Variants in GRHL2 observed in about 807,000 individuals in gnomAD.
GRHL2 encodes grainyhead like transcription factor 2, also known as grainyhead-like protein 2 homolog.
GRHL2 carries 21 observed loss-of-function variants against 83.8 expected under a neutral mutation model. The ratio of observed to expected loss-of-function variants is 0.25; its 90% CI spans 0.18 to 0.36. The LOEUF is 0.36. Among genes scored for constraint, GRHL2 ranks in the 10% least tolerant of loss-of-function variants. The pLI is 1.00. For missense variants in GRHL2, 623 were observed against 781.8 expected (o/e 0.80, Z 2.42); for synonymous variants, 280 against 278.9 (o/e 1.00, Z -0.04).
intron 7 of GRHL2, among the ~76,000 whole-genome samples, chr8:101,597,491 T>C (rs1812414854): frequency 6.6e-6 from 1 of 152,152 alleles, no homozygotes; most frequent in Non-Finnish European, 1.5e-5. Context: ...CATGGAATAC[T>C]ATGCAGCCAT....
intron 1 of GRHL2, among the ~76,000 whole-genome samples, chr8:101,504,276 T>G (rs475304): frequency 0.95 from 144,947 of 152,258 alleles, 69,140 homozygotes; most frequent in Non-Finnish European, 0.99. Context: ...TATCTGTGTC[T>G]CCACAACCTT....
In GRHL2 at chr8:101,619,663, G is replaced by C. The variant is rs779047042; in HGVS notation, c.1223G>C (p.Arg408Thr). 3 of 1,613,304 alleles carry C rather than the reference G, an allele frequency of 1.9e-6. No homozygotes were observed. Among genetic ancestry groups the C allele is most frequent in the African/African-American group, 1.3e-5 (1 of 74,898 alleles). The change falls in exon 9 of 16, where the codon AGA (arginine) becomes ACA (threonine). Residue 408 changes from arginine (R) to threonine (T), a missense_variant. Around this residue, in one of 8 missense-constraint regions of GRHL2, gnomAD observed 24 missense variants for 25.5 expected, o/e 0.94. Coordinates refer to ENST00000646743, the MANE Select transcript of GRHL2 (RefSeq NM_024915.4). Reference protein sequence around the residue: ...YNNRSNKPIHRAYCQIKVFCD... With the variant: ...YNNRSNKPIHTAYCQIKVFCD... Reference sequence around the variant, plus strand: ...AATCGTAGCAATAAACCCATTCATAGAGCTTATTGCCAGATCAAGGTCTTC... The same window carrying C: ...AATCGTAGCAATAAACCCATTCATACAGCTTATTGCCAGATCAAGGTCTTC...
chr8:101,492,470 C>A lies in GRHL2; in HGVS notation c.-300C>A. The stretch of plus-strand genomic sequence containing the variant: ...GTTACCTGTGGCCGCCCAAGTCCGC[C>A]ACTTTCTGCTCTGTGTCTGCCCATT... On this transcript the variant is annotated 5_prime_UTR_variant, in exon 1 of 16. Transcript: ENST00000646743. 2 of 537,720 alleles carry A rather than the reference C, an allele frequency of 3.7e-6. No homozygotes were observed. The highest frequency in any genetic ancestry group is 4.3e-5 in the South Asian group (2 of 46,694). 33.3% of individuals were successfully genotyped at this position (537,720 alleles called of 1,614,324 possible). A position where few individuals can be genotyped will look rare whatever the true frequency, so the allele number is the denominator to read the frequency against.
chr8:101,547,515 C>A (rs1367704550), intron 2 of GRHL2, among the ~76,000 whole-genome samples: 5 of 152,140 alleles, frequency 3.3e-5, no homozygotes, highest in African/African-American at 7.2e-5. Context: ...CAAAGGCATA[C>A]CTTTGCATAA....
chr8:101,496,190 C>G (rs1232990726), intron 1 of GRHL2, among the ~76,000 whole-genome samples: 4 of 151,592 alleles, frequency 2.6e-5, no homozygotes, highest in African/African-American at 9.7e-5. Context: ...AACTGCCTCT[C>G]CCTACTCATC....
chr8:101,511,749 C>T (rs1449566475), intron 1 of GRHL2, among the ~76,000 whole-genome samples: 1 of 151,862 alleles, frequency 6.6e-6, no homozygotes, highest in Non-Finnish European at 1.5e-5. Context: ...GACAACTTTT[C>T]CCCCAAGCAA....
At chr8:101,670,113 G>A (rs1814178613), downstream of GRHL2, among the ~76,000 whole-genome samples, 1 of 152,144 alleles carries the variant, frequency 6.6e-6, no homozygotes, top group African/African-American at 2.4e-5. Context: ...CTGCATGGAG[G>A]CTGAAACCAT....
At chr8:101,564,014 T>A (rs1228832520) in intron 4 of GRHL2, among the ~76,000 whole-genome samples, 2 of 152,196 alleles carry the variant, frequency 1.3e-5, no homozygotes, top group African/African-American at 2.4e-5. Flanking sequence ...CAGTTATGTT[T>A]GTTGTTTGTA....
At chr8:101,617,888 A>G (rs1022253205) in intron 8 of GRHL2, among the ~76,000 whole-genome samples, 1 of 152,182 alleles carries the variant, frequency 6.6e-6, no homozygotes, top group African/African-American at 2.4e-5. Flanking sequence ...GGTGTGAGGG[A>G]CTTCAGGTCC....
chr8:101,636,823 A>G (rs1205734433), intron 11 of GRHL2, 74 bp from the exon 12 acceptor site: 2 of 1,322,674 alleles, frequency 1.5e-6, no homozygotes, highest in East Asian at 4.6e-5. Flanking sequence ...GCCTTAGGAA[A>G]GTCTGTACAT....
chr8:101,509,273 C>T lies in GRHL2; in HGVS notation c.20+16484C>T, dbSNP rs186517648. Among the ~76,000 whole-genome samples, 75 of 138,752 alleles carry T rather than the reference C, an allele frequency of 5.4e-4. 1 individual carries two copies. The highest frequency in any genetic ancestry group is 1.7e-3 in the Admixed American group (23 of 13,266). 91.0% of individuals were successfully genotyped at this position (138,752 alleles called of 152,430 possible). A position where few individuals can be genotyped will look rare whatever the true frequency, so the allele number is the denominator to read the frequency against. On this transcript the variant is annotated intron_variant, in intron 1 of 15. Coordinates refer to ENST00000646743, the MANE Select transcript of GRHL2 (RefSeq NM_024915.4). ...TTGGCCTATTAGTGGTTAAGAAACA[C>T]TTTGGTTGTTTATCTAAATAGTAGG...
chr8:101,671,858 G>A (rs997685788), downstream of GRHL2, among the ~76,000 whole-genome samples: 4 of 152,134 alleles, frequency 2.6e-5, no homozygotes, highest in African/African-American at 4.8e-5. Flanking sequence ...GAACGATCAC[G>A]CAGCAGCACT....
intron 3 of GRHL2, among the ~76,000 whole-genome samples, chr8:101,557,462 G>A (rs998304462): frequency 6.6e-6 from 1 of 152,062 alleles, no homozygotes; most frequent in African/African-American, 2.4e-5. Flanking sequence ...GACCACAGGT[G>A]ATTCGCCTGC....
At chr8:101,671,607 G>T (rs1005176793), downstream of GRHL2, among the ~76,000 whole-genome samples, 1 of 152,180 alleles carries the variant, frequency 6.6e-6, no homozygotes, top group Non-Finnish European at 1.5e-5. Flanking sequence ...TCCACCTCTG[G>T]GGGCAGGGCA....
chr8:101,605,365 G>T (rs950657419), intron 8 of GRHL2, among the ~76,000 whole-genome samples: 1 of 152,206 alleles, frequency 6.6e-6, no homozygotes, highest in Admixed American at 6.5e-5. Context: ...GGCCCTATGA[G>T]TCCAGAGCCC....
intron 11 of GRHL2, among the ~76,000 whole-genome samples, chr8:101,636,447 G>T (rs142217629): frequency 5.9e-5 from 9 of 151,930 alleles, no homozygotes; most frequent in Admixed American, 2.0e-4. Context: ...TCTCCATCCC[G>T]CATTTGGTCC....
intron 2 of GRHL2, among the ~76,000 whole-genome samples, chr8:101,548,123 A>C (rs979176118): frequency 1.3e-5 from 2 of 152,146 alleles, no homozygotes; most frequent in African/African-American, 4.8e-5. Flanking sequence ...TTGTTGGTTG[A>C]TTTGTTTGTC....
chr8:101,545,897 T>C, intron 2 of GRHL2, among the ~76,000 whole-genome samples: 1 of 141,724 alleles, frequency 7.1e-6, no homozygotes. Flanking sequence ...TTTTTTTTTT[T>C]TTTGAGATGG....
At chr8:101,505,378 G>T (rs558984647) in intron 1 of GRHL2, among the ~76,000 whole-genome samples, 1 of 152,178 alleles carries the variant, frequency 6.6e-6, no homozygotes, top group South Asian at 2.1e-4. Flanking sequence ...GGGAGTTTGA[G>T]ACCAGCCTGA....
Sources: allele counts gnomAD v4.1 joint callset (sites outside exome capture counted in the v4.1 genomes callset), GRCh38; gene constraint gnomAD v4.1.1; regional missense constraint gnomAD v4.1.1; transcripts MANE v1.5; gene names NCBI Gene and HGNC (gene_info 2026-07-23, HGNC 2026-07-21).